Variants in PDE6B observed in about 807,000 individuals in gnomAD.
PDE6B encodes the protein phosphodiesterase 6B.
In PDE6B, 106 loss-of-function variants were observed where a neutral mutation model predicts 109.0. The observed-to-expected ratio is 0.97, with a 90% CI of 0.83 to 1.14. The LOEUF (loss-of-function observed/expected upper bound fraction) is 1.14. Among genes scored for constraint, PDE6B ranks in the 50% most tolerant of loss-of-function variants. The pLI, the probability that PDE6B is intolerant of heterozygous loss-of-function variation, is 0.00. For synonymous variants in PDE6B, 490 were observed against 471.3 expected, an observed-to-expected ratio of 1.04 and a Z score of -0.51; for missense variants, 1,193 against 1,155.6, an observed-to-expected ratio of 1.03 and a Z score of -0.47.
At position 666,463 on chromosome 4, in the gene PDE6B, G is replaced by C. The variant is rs1737804760; in HGVS notation, c.2269-68G>C. The C allele has an allele frequency of 9.9e-7, 1 of 1,006,120 alleles. No homozygotes were observed. The highest frequency in any genetic ancestry group is 1.6e-6 in the Non-Finnish European group (1 of 627,514). The allele number at this position is 1,006,120 out of a possible 1,614,324, so 62.3% of individuals were successfully genotyped here. On this transcript the variant is annotated intron_variant, in intron 19 of 21. Coordinates refer to ENST00000496514, the MANE Select transcript of PDE6B (RefSeq NM_000283.4). The surrounding 1 kb of genome is among the most constrained non-coding windows in gnomAD (Gnocchi z 5.6). ...AGCACATCTGAGTGAGGGGGTCGGGGGGCTGGGCGGGGCCCCAGGAGCTGC... is the reference window on the plus strand; with the variant it reads ...AGCACATCTGAGTGAGGGGGTCGGGCGGCTGGGCGGGGCCCCAGGAGCTGC...
chr4:631,656 C>T (rs546945413), intron 1 of PDE6B, among the ~76,000 whole-genome samples: 3 of 149,848 alleles, frequency 2.0e-5, no homozygotes, highest in South Asian at 4.3e-4. Flanking sequence ...ATGAGGATCA[C>T]GTTGCGTGGA....
rs371074541 is a variant in PDE6B, at chr4:663,050, T to G, written c.1833-50T>G. On this transcript the variant is annotated intron_variant, in intron 14 of 21. Transcript: ENST00000496514. The surrounding 1 kb of genome is among the most constrained non-coding windows in gnomAD (Gnocchi z 4.0). Reference sequence around the variant, plus strand: ...TCTGGGGGGGCTGCAGAGCGCAGGGTGGGCCAAGGGCAGGTCCCACGGGCC... The same window carrying G: ...TCTGGGGGGGCTGCAGAGCGCAGGGGGGGCCAAGGGCAGGTCCCACGGGCC... The G allele has an allele frequency of 9.7e-7, 1 of 1,035,556 alleles. No homozygotes were observed. The highest frequency in any genetic ancestry group is 1.5e-6 in the Non-Finnish European group (1 of 651,830). The allele number at this position is 1,035,556 out of a possible 1,614,324, so 64.1% of individuals were successfully genotyped here.
chr4:655,178 A>G (rs1336630285), intron 6 of PDE6B: 42 of 503,660 alleles, frequency 8.3e-5, no homozygotes, highest in Non-Finnish European at 1.3e-4. Context: ...CAAGCTGTCC[A>G]GGCGGCCTCG....
chr4:667,650 T>A (rs1233287159), intron 20 of PDE6B, among the ~76,000 whole-genome samples: 1 of 152,100 alleles, frequency 6.6e-6, no homozygotes, highest in African/African-American at 2.4e-5. Flanking sequence ...ATGCATACCC[T>A]AAAGCTCCCG....
At chr4:638,423 A>G (rs531490165) in intron 3 of PDE6B, among the ~76,000 whole-genome samples, 1 of 152,228 alleles carries the variant, frequency 6.6e-6, no homozygotes, top group East Asian at 1.9e-4. Flanking sequence ...CCCAGGTTCA[A>G]GCGATTCTCC....
chr4:649,689 G>T (rs1052743486), intron 3 of PDE6B, among the ~76,000 whole-genome samples: 2 of 151,816 alleles, frequency 1.3e-5, no homozygotes, highest in Admixed American at 1.3e-4. Context: ...AAGGCCTGGG[G>T]TTGGGACCGC....
At chr4:642,733 A>AAAAAAAC in intron 3 of PDE6B, among the ~76,000 whole-genome samples, 6 of 151,114 alleles carry the variant, frequency 4.0e-5, no homozygotes, top group African/African-American at 1.2e-4. Flanking sequence ...CTCAAAAAAA[A>AAAAAAAC]AAAAAAAAAA....
Position 625,925 on chromosome 4 carries a change from G to A in PDE6B, c.299G>A (p.Arg100His), listed in dbSNP as rs555600300. The change falls in exon 1 of 22, where the codon CGC becomes CAC. Residue 100 changes from arginine (R) to histidine (H), a missense_variant. Arg to His is a conservative substitution (Grantham distance 29). Coordinates refer to ENST00000496514, the MANE Select transcript of PDE6B (RefSeq NM_000283.4). The surrounding 1 kb of genome is among the most constrained non-coding windows in gnomAD (Gnocchi z 5.0). Reference protein sequence around the residue: ...DRCSLFMYRQRNGVAELATRL... With the variant: ...DRCSLFMYRQHNGVAELATRL... ...TGCAGCCTCTTCATGTACCGCCAGC[G>A]CAACGGCGTGGCCGAGCTGGCCACC... 78 of 1,597,526 alleles carry A rather than the reference G, an allele frequency of 4.9e-5. 1 individual carries two copies. Among genetic ancestry groups the A allele is most frequent in the Non-Finnish European group, 6.1e-5 (72 of 1,172,414 alleles).
In PDE6B at chr4:633,019, G is replaced by A. The variant is rs1734467278; in HGVS notation, c.469-1658G>A. Among the ~76,000 whole-genome samples the A allele has an allele frequency of 6.6e-6, 1 of 152,128 alleles. No individual in the cohort carries two copies. The highest frequency in any genetic ancestry group is 1.5e-5 in the Non-Finnish European group (1 of 68,004). ...TAACAGAGACTCTGAATTCATCAGG[G>A]AGCACACATGGTGGCCACTGTAGCA... On this transcript the variant is annotated intron_variant, in intron 1 of 21. Coordinates refer to ENST00000496514, the MANE Select transcript of PDE6B (RefSeq NM_000283.4). The surrounding 1 kb of genome is among the most constrained non-coding windows in gnomAD (Gnocchi z 4.5).
chr4:639,149 T>C (rs1577250790), intron 3 of PDE6B, among the ~76,000 whole-genome samples: 1 of 137,802 alleles, frequency 7.3e-6, no homozygotes, highest in African/African-American at 3.1e-5. Context: ...TTGGGGGGTG[T>C]TTTTTTTTTT....
At chr4:660,109 A>G (rs1736885944) in intron 11 of PDE6B, among the ~76,000 whole-genome samples, 2 of 152,118 alleles carry the variant, frequency 1.3e-5, no homozygotes, top group Admixed American at 1.3e-4. Flanking sequence ...CTTTGTATTC[A>G]TGGGAGTGGC....
In PDE6B at chr4:633,026, C is replaced by G. The variant is rs1293805567; in HGVS notation, c.469-1651C>G. Reference sequence around the variant, plus strand: ...GACTCTGAATTCATCAGGGAGCACACATGGTGGCCACTGTAGCACTGACGG... The same window carrying G: ...GACTCTGAATTCATCAGGGAGCACAGATGGTGGCCACTGTAGCACTGACGG... On this transcript the variant is annotated intron_variant, in intron 1 of 21. Coordinates refer to ENST00000496514, the MANE Select transcript of PDE6B (RefSeq NM_000283.4). This position sits in a 1 kb window ranked among gnomAD's most constrained non-coding sequence, Gnocchi z 4.5. 6.6e-6 allele frequency among the ~76,000 whole-genome samples: 1 copy of G among 152,144 alleles called. No individual in the cohort carries two copies. Among genetic ancestry groups the G allele is most frequent in the African/African-American group, 2.4e-5 (1 of 41,422 alleles).
intron 3 of PDE6B, among the ~76,000 whole-genome samples, chr4:644,492 G>C (rs1735103937): frequency 6.6e-6 from 1 of 151,856 alleles, no homozygotes; most frequent in Admixed American, 6.6e-5. Context: ...AATTATAGAT[G>C]TCAATTATGT....
rs781251175 is a variant in PDE6B at position 625,685 on chromosome 4, G to T, written c.59G>T (p.Arg20Leu). 1.9e-6 allele frequency: 3 copies of T among 1,613,988 alleles called. No individual in the cohort carries two copies. The South Asian group carries it at 3.3e-5, about 18-fold the overall frequency. Reference sequence around the variant, plus strand: ...CTGGACCAGAACCCCGATTTTGCCCGCCAGTACTTTGGGAAGAAACTGAGC... The same window carrying T: ...CTGGACCAGAACCCCGATTTTGCCCTCCAGTACTTTGGGAAGAAACTGAGC... ...SFLDQNPDFARQYFGKKLSPE... is the reference protein window; with the variant it reads ...SFLDQNPDFALQYFGKKLSPE... The change falls in exon 1 of 22, where the codon CGC becomes CTC. Residue 20 changes from arginine (R) to leucine (L), a missense_variant. Arg to Leu is a moderately radical substitution (Grantham distance 102). Coordinates refer to ENST00000496514, the MANE Select transcript of PDE6B (RefSeq NM_000283.4). This position sits in a 1 kb window ranked among gnomAD's most constrained non-coding sequence, Gnocchi z 5.0.
chr4:655,926 C>T lies in PDE6B; in HGVS notation c.993-14C>T. ...CCCGGCGTGGCCTATCTGACCCCTG[C>T]TCTCTGCCCACAGCACACCCTCAGC... On this transcript the variant is annotated splice_polypyrimidine_tract_variant and intron_variant, in intron 6 of 21. Transcript: ENST00000496514. 6.3e-7 allele frequency: 1 copy of T among 1,584,852 alleles called. No individual in the cohort carries two copies. Among genetic ancestry groups the T allele is most frequent in the Non-Finnish European group, 8.7e-7 (1 of 1,153,636 alleles).
At chr4:641,639 T>A (rs558558986) in intron 3 of PDE6B, among the ~76,000 whole-genome samples, 3 of 152,026 alleles carry the variant, frequency 2.0e-5, no homozygotes, top group African/African-American at 7.2e-5. Context: ...AGACACACGT[T>A]TTTTGTTTTT....
At chr4:657,122 G>T (rs566216470) in intron 9 of PDE6B, 99 bp downstream of exon 9, 45 of 1,284,964 alleles carry the variant, frequency 3.5e-5, no homozygotes, top group Non-Finnish European at 5.0e-5. Flanking sequence ...GGCTGTGTGC[G>T]TGTGCTCATG....
chr4:654,192 G>A (rs747663328), intron 5 of PDE6B, 38 bp downstream of exon 5: 33 of 1,560,940 alleles, frequency 2.1e-5, no homozygotes, highest in Admixed American at 3.3e-5. Context: ...CTGTCCACAC[G>A]CCTCTGTTTC....
Position 655,995 on chromosome 4 carries a change from G to A in PDE6B, c.1048G>A (p.Glu350Lys). 1 of 1,605,206 alleles carries A rather than the reference G, an allele frequency of 6.2e-7. No individual in the cohort carries two copies. The highest frequency in any genetic ancestry group is 8.5e-7 in the Non-Finnish European group (1 of 1,172,182). Residue 350 changes from glutamate (E) to lysine (K), a missense_variant, in exon 7 of 22, where the codon GAA (glutamate) becomes AAA (lysine). Coordinates refer to ENST00000496514, the MANE Select transcript of PDE6B (RefSeq NM_000283.4). The stretch of plus-strand genomic sequence containing the variant: ...CAGCGGCCTTCCAAGCTACGTGGCA[G>A]AAAGCGGCTTTGTGAGTCCCGTGCT... ...LASGLPSYVA[E>K]SGFICNIMNA...
Sources: gnomAD v4.1 joint callset for allele counts (sites outside exome capture counted in the v4.1 genomes callset) on GRCh38, gnomAD v4.1.1 for gene constraint, Gnocchi (gnomAD v3.1) non-coding constraint, MANE v1.5 for transcripts, NCBI Gene and HGNC (gene_info 2026-07-23, HGNC 2026-07-21) for gene names.